Variants in PCSK2 observed in about 807,000 individuals in gnomAD.
The protein encoded by PCSK2 is proprotein convertase subtilisin/kexin type 2.
PCSK2 carries 14 observed loss-of-function variants against 69.7 expected under a neutral mutation model. The ratio of observed to expected loss-of-function variants is 0.20; its 90% confidence interval spans 0.13 to 0.31. The LOEUF is 0.31. PCSK2 is among the 10% of genes least tolerant of loss of function. PCSK2 has a pLI of 1.00. For synonymous variants in PCSK2, 307 were observed against 320.7 expected, an observed-to-expected ratio of 0.96 and a Z score of 0.46; for missense variants, 544 against 842.5, an observed-to-expected ratio of 0.65 and a Z score of 4.39.
chr20:17,271,750 C>A (rs1171541231), intron 2 of PCSK2, among the ~76,000 whole-genome samples: 1 of 152,042 alleles, frequency 6.6e-6, no homozygotes, highest in African/African-American at 2.4e-5. Flanking sequence ...TAGCAACTAC[C>A]AATCTTTGTA....
At chr20:17,324,603 C>T (rs1048806636) in intron 2 of PCSK2, among the ~76,000 whole-genome samples, 2 of 152,128 alleles carry the variant, frequency 1.3e-5, no homozygotes, top group South Asian at 4.1e-4. Context: ...TCCTGATCAC[C>T]CTCTTCCTGC....
intron 2 of PCSK2, among the ~76,000 whole-genome samples, chr20:17,312,132 C>T (rs921584764): frequency 6.6e-6 from 1 of 152,154 alleles, no homozygotes; most frequent in East Asian, 1.9e-4. Context: ...GAAAAGCAGC[C>T]TCACATTTTT....
chr20:17,274,148 A>G (rs1987969265), intron 2 of PCSK2, among the ~76,000 whole-genome samples: 1 of 152,178 alleles, frequency 6.6e-6, no homozygotes, highest in South Asian at 2.1e-4. Flanking sequence ...ACATGTGAAT[A>G]AAAGCCCATA....
At chr20:17,313,849 T>C (rs1989593259) in intron 2 of PCSK2, among the ~76,000 whole-genome samples, 1 of 152,178 alleles carries the variant, frequency 6.6e-6, no homozygotes, top group Non-Finnish European at 1.5e-5. Context: ...CCAAACCCAT[T>C]TGAAGAACAG....
chr20:17,405,645 A>G (rs2031735069), intron 5 of PCSK2, among the ~76,000 whole-genome samples: 1 of 152,240 alleles, frequency 6.6e-6, no homozygotes, highest in African/African-American at 2.4e-5. Context: ...CTGTTTGAAA[A>G]GTACACACTG....
In PCSK2 at chr20:17,318,690, A is replaced by G. The variant is rs115796959; in HGVS notation, c.283-39637A>G. ...CCACGGGGCATTCCACCCAACAATC[A>G]CCATCTGCCAGGGACGCCTATGAAT... On this transcript the variant is annotated intron_variant, in intron 2 of 11. Coordinates refer to ENST00000262545, the MANE Select transcript of PCSK2 (RefSeq NM_002594.5). 4.2e-3 allele frequency among the ~76,000 whole-genome samples: 640 copies of G among 152,294 alleles called. 9 individuals are homozygous for G. The highest frequency in any genetic ancestry group is 0.014 in the African/African-American group (584 of 41,562).
chr20:17,290,346 A>T (rs899506545), intron 2 of PCSK2, among the ~76,000 whole-genome samples: 2 of 152,172 alleles, frequency 1.3e-5, no homozygotes, highest in South Asian at 2.1e-4. Flanking sequence ...TTGTCATAAG[A>T]ATATCAGCCC....
chr20:17,400,532 T>C (rs1328428428), intron 5 of PCSK2, among the ~76,000 whole-genome samples: 2 of 152,058 alleles, frequency 1.3e-5, no homozygotes, highest in African/African-American at 4.8e-5. Flanking sequence ...CTATACAAAA[T>C]ACGCACTCCA....
At chr20:17,469,398 G>C (rs1024878964) in intron 11 of PCSK2, among the ~76,000 whole-genome samples, 2 of 152,156 alleles carry the variant, frequency 1.3e-5, no homozygotes, top group African/African-American at 4.8e-5. Context: ...CAACAAACTG[G>C]TCCCATGCTG....
chr20:17,408,953 A>G (rs1282674173), intron 5 of PCSK2, among the ~76,000 whole-genome samples: 1 of 152,216 alleles, frequency 6.6e-6, no homozygotes, highest in African/African-American at 2.4e-5. Context: ...TTCCAGGTGA[A>G]ATCCATTAAC....
At position 17,453,900 on chromosome 20, in the gene PCSK2, T is replaced by C. The variant is rs763621719; in HGVS notation, c.1044T>C (p.Ser348=). The C allele has an allele frequency of 6.2e-7, 1 of 1,614,184 alleles. No homozygotes were observed. Among genetic ancestry groups the C allele is most frequent in the Admixed American group, 1.7e-5 (1 of 60,024 alleles). Residue 348 remains serine (S), a synonymous_variant, in exon 9 of 12, where the codon TCT becomes TCC. Coordinates refer to ENST00000262545, the MANE Select transcript of PCSK2 (RefSeq NM_002594.5). This position sits in a 1 kb window ranked among gnomAD's most constrained non-coding sequence, Gnocchi z 4.0. ...GRTALYDESC[S]STLASTFSNG... ...CTGCCCTGTACGACGAGAGCTGCTC[T>C]TCCACCTTGGCTTCCACCTTCAGCA...
At chr20:17,277,117 C>A (rs902533471) in intron 2 of PCSK2, among the ~76,000 whole-genome samples, 1 of 152,014 alleles carries the variant, frequency 6.6e-6, no homozygotes, top group African/African-American at 2.4e-5. Flanking sequence ...TAGGAAGAAT[C>A]AATATTGTGA....
At chr20:17,252,580 G>T (rs2122979533) in intron 1 of PCSK2, among the ~76,000 whole-genome samples, 1 of 152,346 alleles carries the variant, frequency 6.6e-6, no homozygotes, top group Non-Finnish European at 1.5e-5. Flanking sequence ...ACTTGCCAAA[G>T]GTCATAGCGC....
chr20:17,457,606 C>T (rs2032945047), intron 10 of PCSK2, among the ~76,000 whole-genome samples: 4 of 152,176 alleles, frequency 2.6e-5, no homozygotes, highest in Admixed American at 2.6e-4. Context: ...CTATTAGGCA[C>T]AGAGACCTCT....
At chr20:17,439,414 A>C (rs1322938653) in intron 8 of PCSK2, among the ~76,000 whole-genome samples, 1 of 151,984 alleles carries the variant, frequency 6.6e-6, no homozygotes, top group African/African-American at 2.4e-5. Context: ...GCACCACTGC[A>C]CCCGGCCTCT....
intron 2 of PCSK2, among the ~76,000 whole-genome samples, chr20:17,262,030 T>C (rs749042686): frequency 5.3e-5 from 8 of 152,216 alleles, no homozygotes; most frequent in Non-Finnish European, 8.8e-5. Flanking sequence ...GAGAGACTAT[T>C]TAGCACCACT....
At chr20:17,422,621 A>T (rs935870096) in intron 6 of PCSK2, among the ~76,000 whole-genome samples, 23 of 152,200 alleles carry the variant, frequency 1.5e-4, no homozygotes, top group Admixed American at 1.4e-3. Context: ...AGGAGGAGGA[A>T]AAAAGGAGAA....
intron 1 of PCSK2, among the ~76,000 whole-genome samples, chr20:17,255,523 A>C (rs1987143597): frequency 6.6e-6 from 1 of 152,088 alleles, no homozygotes; most frequent in Non-Finnish European, 1.5e-5. Flanking sequence ...TTGCATTTTT[A>C]GTAGAGACGA....
At chr20:17,390,549 A>G (rs757254908) in intron 5 of PCSK2, among the ~76,000 whole-genome samples, 2 of 152,138 alleles carry the variant, frequency 1.3e-5, no homozygotes, top group Non-Finnish European at 2.9e-5. Flanking sequence ...TTCACTGCCC[A>G]CCTGCTCACC....
Sources: allele counts gnomAD v4.1 joint callset (sites outside exome capture counted in the v4.1 genomes callset), GRCh38; gene constraint gnomAD v4.1.1; non-coding constraint Gnocchi (gnomAD v3.1); transcripts MANE v1.5; gene names NCBI Gene and HGNC (gene_info 2026-07-23, HGNC 2026-07-21).